ERBB4: variants seen among roughly 807,000 people sequenced by gnomAD.
ERBB4 encodes the protein receptor tyrosine-protein kinase erbB-4.
ERBB4 carries 42 observed loss-of-function variants against 158.0 expected under a neutral mutation model. That is an observed-to-expected ratio of 0.27 (90% CI 0.21 to 0.34). ERBB4 has a LOEUF of 0.34. ERBB4 is among the 10% of genes least tolerant of loss of function. The pLI is 1.00. For missense variants in ERBB4, 1,333 were observed against 1,624.1 expected, an observed-to-expected ratio of 0.82 and a Z score of 3.08; for synonymous variants, 583 against 558.7, an observed-to-expected ratio of 1.04 and a Z score of -0.61.
rs775635278 is a variant in ERBB4, at chr2:211,947,488, T to C, written c.363A>G (p.Leu121=). Residue 121 remains leucine, a synonymous_variant, in exon 3 of 28, where the codon TTA becomes TTG. Transcript: ENST00000342788. ...CAAAGTTTCCATCTTTTCTGTAGTT[T>C]AAAAATATTGCCAAGGCATATCGAT... ...YEDRYALAIF[L]NYRKDGNFGL... 6.2e-6 allele frequency: 10 copies of C among 1,613,764 alleles called. No homozygotes were observed. In the African/African-American group the frequency reaches 1.3e-4, roughly 22 times the overall value.
intron 2 of ERBB4, among the ~76,000 whole-genome samples, chr2:212,015,870 G>A (rs2076517136): frequency 6.6e-6 from 1 of 152,138 alleles, no homozygotes; most frequent in Non-Finnish European, 1.5e-5. Flanking sequence ...AAAGTCACAG[G>A]GGTGTGAGGT....
intron 27 of ERBB4, among the ~76,000 whole-genome samples, chr2:211,386,070 A>G (rs1302161125): frequency 6.6e-6 from 1 of 152,208 alleles, no homozygotes; most frequent in Admixed American, 6.5e-5. Flanking sequence ...CTTAAAATGT[A>G]GTTTACTGTT....
chr2:212,210,368 A>G (rs989185951), intron 1 of ERBB4, among the ~76,000 whole-genome samples: 2 of 152,130 alleles, frequency 1.3e-5, no homozygotes, highest in African/African-American at 2.4e-5. Flanking sequence ...ATAAAAGAAA[A>G]AAATGATGGT....
Position 212,316,962 on chromosome 2 carries a change from GATTAT to G in ERBB4, c.83-192064_83-192060del, listed in dbSNP as rs898940554. Among the ~76,000 whole-genome samples the G allele has an allele frequency of 1.1e-4, 16 of 151,442 alleles. 1 individual carries two copies. Among genetic ancestry groups the G allele is most frequent in the Admixed American group, 4.6e-4 (7 of 15,140 alleles). On this transcript the variant is annotated intron_variant, in intron 1 of 27. Coordinates refer to ENST00000342788, the MANE Select transcript of ERBB4 (RefSeq NM_005235.3). ...CAAGTCGCAGGAGCTATTCTGAGGTGATTATATTAAAGATAACTAGATTAAAATCC... is the reference window on the plus strand; with the variant it reads ...CAAGTCGCAGGAGCTATTCTGAGGTGATTAAAGATAACTAGATTAAAATCC...
At chr2:211,408,836 C>T (rs1574430322) in intron 25 of ERBB4, among the ~76,000 whole-genome samples, 2 of 152,126 alleles carry the variant, frequency 1.3e-5, no homozygotes, top group East Asian at 3.9e-4. Context: ...GCCACAGATG[C>T]CAAAATGCTT....
intron 20 of ERBB4, among the ~76,000 whole-genome samples, chr2:211,469,719 C>T (rs1019175699): frequency 3.3e-5 from 5 of 152,124 alleles, no homozygotes; most frequent in East Asian, 1.9e-4. Context: ...ATAACTAAAT[C>T]GCATCTTAGT....
chr2:211,458,721 G>A (rs1479264828), intron 20 of ERBB4, among the ~76,000 whole-genome samples: 1 of 152,108 alleles, frequency 6.6e-6, no homozygotes, highest in East Asian at 1.9e-4. Flanking sequence ...AATAACACAG[G>A]TGCTTTTGCC....
rs138524249 is a variant in ERBB4 at position 211,631,012 on chromosome 2, T to A, written c.1947-418A>T. ...TTGTAATTTTATTTCCAGTAATTTC[T>A]CTGAAGCAGGCTTTCACAACAGTGG... On this transcript the variant is annotated intron_variant, in intron 16 of 27. Transcript: ENST00000342788. Among the ~76,000 whole-genome samples the A allele has an allele frequency of 2.0e-5, 3 of 152,318 alleles. No individual in the cohort carries two copies. In the East Asian group the frequency reaches 5.8e-4, roughly 29 times the overall value.
chr2:211,509,002 C>T (rs60178054), intron 20 of ERBB4, among the ~76,000 whole-genome samples: 56,512 of 151,790 alleles, frequency 0.37, 10,834 homozygotes, highest in African/African-American at 0.44. Flanking sequence ...TACTATGCAG[C>T]CATAAAAAGA....
rs1167742541 is a variant in ERBB4, at chr2:211,623,934, T to C, written c.2190A>G (p.Gly730=). 3 of 1,614,026 alleles carry C rather than the reference T, an allele frequency of 1.9e-6. No homozygotes were observed. In the Admixed American group the frequency reaches 5.0e-5, roughly 27 times the overall value. Residue 730 remains glycine, a synonymous_variant, in exon 18 of 28, where the codon GGA becomes GGG. Transcript: ENST00000342788. ...GTTTTTTACTTACTTTATAAACCGT[T>C]CCAAAAGCACCTGAGCCAAGGACTT... ...RVKVLGSGAF[G]TVYKGIWVPE...
intron 9 of ERBB4, among the ~76,000 whole-genome samples, chr2:211,708,112 A>T (rs1367340255): frequency 6.6e-6 from 1 of 152,118 alleles, no homozygotes. Context: ...ACACATACAC[A>T]CACAAACACA....
At chr2:211,763,694 T>C (rs1281520566) in intron 4 of ERBB4, among the ~76,000 whole-genome samples, 2 of 151,344 alleles carry the variant, frequency 1.3e-5, no homozygotes, top group African/African-American at 4.9e-5. Context: ...CCTGTAGCAG[T>C]CAGTTGTGGA....
At chr2:212,398,062 A>G (rs887707788) in intron 1 of ERBB4, among the ~76,000 whole-genome samples, 5 of 151,844 alleles carry the variant, frequency 3.3e-5, no homozygotes, top group South Asian at 4.1e-4. Flanking sequence ...TCATATATAT[A>G]TAAATTAATG....
At chr2:212,457,784 C>T (rs1328449103) in intron 1 of ERBB4, among the ~76,000 whole-genome samples, 1 of 151,894 alleles carries the variant, frequency 6.6e-6, no homozygotes, top group African/African-American at 2.4e-5. Context: ...TATGTGAAAT[C>T]CAAACACAAT....
chr2:212,050,283 T>C (rs2077365890), intron 2 of ERBB4, among the ~76,000 whole-genome samples: 1 of 152,238 alleles, frequency 6.6e-6, no homozygotes, highest in South Asian at 2.1e-4. Context: ...CTATGGAGAT[T>C]TCTGTATCCA....
chr2:211,759,720 CA>C (rs1438151561), intron 4 of ERBB4, among the ~76,000 whole-genome samples: 2 of 150,828 alleles, frequency 1.3e-5, no homozygotes, highest in Non-Finnish European at 3.0e-5. Context: ...AATAGATGTT[CA>C]AATTGGAAAT....
chr2:212,492,563 T>C (rs1690338262), intron 1 of ERBB4, among the ~76,000 whole-genome samples: 2 of 151,420 alleles, frequency 1.3e-5, no homozygotes, highest in Admixed American at 6.6e-5. Context: ...GGCCTATGTC[T>C]TTATGTACAA....
intron 2 of ERBB4, among the ~76,000 whole-genome samples, chr2:212,067,373 A>T (rs922374939): frequency 1.3e-5 from 2 of 152,006 alleles, no homozygotes; most frequent in African/African-American, 4.8e-5. Context: ...GTTTCAAAAG[A>T]AATCTAAAGT....
chr2:212,101,833 C>A (rs72937800), intron 2 of ERBB4, among the ~76,000 whole-genome samples: 3 of 151,626 alleles, frequency 2.0e-5, no homozygotes, highest in Non-Finnish European at 2.9e-5. Flanking sequence ...CCGCTGGAAG[C>A]TTATTCAGTG....
Sources: allele counts gnomAD v4.1 joint callset (sites outside exome capture counted in the v4.1 genomes callset), GRCh38; gene constraint gnomAD v4.1.1; transcripts MANE v1.5; gene names NCBI Gene and HGNC (gene_info 2026-07-23, HGNC 2026-07-21).